Variants in NUP62 observed in about 807,000 individuals in gnomAD.
The protein encoded by NUP62 is nuclear pore glycoprotein p62.
For synonymous variants in NUP62, 305 were observed against 303.4 expected, an observed-to-expected ratio of 1.01 and a Z score of -0.05; for missense variants, 647 against 689.4, an observed-to-expected ratio of 0.94 and a Z score of 0.69.
chr19:49,916,548 C>T (rs927320609), intron 2 of NUP62, among the ~76,000 whole-genome samples: 4 of 151,688 alleles, frequency 2.6e-5, no homozygotes, highest in South Asian at 2.1e-4. Flanking sequence ...CCGAGGCGGG[C>T]GGATCACTAG....
intron 2 of NUP62, among the ~76,000 whole-genome samples, chr19:49,924,412 G>T (rs945557336): frequency 1.1e-4 from 16 of 152,160 alleles, no homozygotes; most frequent in African/African-American, 3.9e-4. Context: ...CTAACCGGGA[G>T]CGGTTGCCAG....
chr19:49,913,769 C>T (rs558530764), intron 2 of NUP62, among the ~76,000 whole-genome samples: 12 of 152,264 alleles, frequency 7.9e-5, no homozygotes, highest in South Asian at 2.1e-4. Context: ...ATCACTGAGC[C>T]GCAGGGTGGT....
intron 2 of NUP62, among the ~76,000 whole-genome samples, chr19:49,920,255 G>A (rs1163802998): frequency 5.9e-5 from 9 of 152,210 alleles, no homozygotes; most frequent in Admixed American, 5.9e-4. Flanking sequence ...GCTAACTTTT[G>A]TATTTTTAGT....
chr19:49,919,779 T>C (rs2075719411), intron 2 of NUP62, among the ~76,000 whole-genome samples: 1 of 144,140 alleles, frequency 6.9e-6, no homozygotes, highest in East Asian at 2.1e-4. Context: ...TTAAGGAAGA[T>C]TCTAGAACCA....
At position 49,923,327 on chromosome 19, in the gene NUP62, T is replaced by C. The variant is rs545177944; in HGVS notation, c.-78+4367A>G. On this transcript the variant is annotated intron_variant, in intron 2 of 2. Coordinates refer to ENST00000352066, the MANE Select transcript of NUP62 (RefSeq NM_016553.5). ...CCCTGGCTCCTCTCAGGGACCTCAG[T>C]ATCACATTCGCTGGCCTCTGTGCTG... Among the ~76,000 whole-genome samples the C allele has an allele frequency of 1.4e-4, 21 of 152,272 alleles. No homozygotes were observed. In the South Asian group the frequency reaches 4.1e-3, roughly 30 times the overall value.
intron 2 of NUP62, among the ~76,000 whole-genome samples, chr19:49,913,749 G>C (rs752204142): frequency 1.3e-5 from 2 of 152,204 alleles, no homozygotes; most frequent in Non-Finnish European, 2.9e-5. Context: ...AGCTCTGTGA[G>C]TCTTAGCTCA....
At chr19:49,929,060 A>C (rs2075990580) in intron 1 of NUP62, 1 of 152,210 alleles carries the variant, frequency 6.6e-6, no homozygotes, top group Non-Finnish European at 1.5e-5. Flanking sequence ...AGTGGGAAGG[A>C]AAGGCTCGGA....
Position 49,909,504 on chromosome 19 carries a change from T to C in NUP62, c.304A>G (p.Thr102Ala). Reference protein sequence around the residue: ...IGASKLNLSNTAATPAMANPS... With the variant: ...IGASKLNLSNAAATPAMANPS... Reference sequence around the variant, plus strand: ...TTTGCCATGGCTGGGGTGGCAGCTGTGTTGCTCAAGTTGAGCTTTGAAGCA... The same window carrying C: ...TTTGCCATGGCTGGGGTGGCAGCTGCGTTGCTCAAGTTGAGCTTTGAAGCA... The change falls in exon 3 of 3, where the codon ACA becomes GCA. Residue 102 changes from threonine to alanine, a missense_variant. Physicochemically the swap from Thr to Ala is moderately conservative, Grantham distance 58. Transcript: ENST00000352066. 1 of 1,614,148 alleles carries C rather than the reference T, an allele frequency of 6.2e-7. No individual in the cohort carries two copies. Among genetic ancestry groups the C allele is most frequent in the Non-Finnish European group, 8.5e-7 (1 of 1,180,018 alleles).
chr19:49,920,631 C>G (rs1022659855), intron 2 of NUP62, among the ~76,000 whole-genome samples: 1 of 152,186 alleles, frequency 6.6e-6, no homozygotes, highest in Non-Finnish European at 1.5e-5. Flanking sequence ...GACTTTACCC[C>G]GAGGGCAACG....
At chr19:49,919,646 C>T (rs1421011868) in intron 2 of NUP62, among the ~76,000 whole-genome samples, 2 of 152,180 alleles carry the variant, frequency 1.3e-5, no homozygotes, top group South Asian at 4.1e-4. Flanking sequence ...CTCCTTCCCA[C>T]TCCCCAGGCC....
Position 49,917,196 on chromosome 19 carries a change from G to A in NUP62, c.-77-7312C>T, listed in dbSNP as rs535025864. On this transcript the variant is annotated intron_variant, in intron 2 of 2. Coordinates refer to ENST00000352066, the MANE Select transcript of NUP62 (RefSeq NM_016553.5). The stretch of plus-strand genomic sequence containing the variant: ...AACAAGGGGAGATCAGAGATGGGCT[G>A]GGCTCAGCCCAGGGAAATTTGATTC... 6.6e-5 allele frequency among the ~76,000 whole-genome samples: 10 copies of A among 152,308 alleles called. No homozygotes were observed. In the East Asian group the frequency reaches 1.9e-3, roughly 29 times the overall value.
At chr19:49,916,354 A>AT (rs1182733064) in intron 2 of NUP62, among the ~76,000 whole-genome samples, 8,329 of 131,952 alleles carry the variant, frequency 0.063, 517 homozygotes, top group African/African-American at 0.16. Context: ...TATCTTTTGT[A>AT]TTTTTTTTTT....
intron 2 of NUP62, among the ~76,000 whole-genome samples, chr19:49,916,592 T>C (rs897014784): frequency 7.2e-5 from 11 of 152,012 alleles, no homozygotes; most frequent in Non-Finnish European, 1.2e-4. Flanking sequence ...AAACCCCGTC[T>C]GCACTAAAAA....
intron 2 of NUP62, among the ~76,000 whole-genome samples, chr19:49,926,854 A>T (rs1217307526): frequency 3.7e-5 from 4 of 109,564 alleles, no homozygotes; most frequent in Non-Finnish European, 5.3e-5. Context: ...AGAAGTAGGT[A>T]CTTTTTTTTT....
chr19:49,908,126 G>C lies in NUP62; in HGVS notation c.*113C>G, dbSNP rs2075364117. Reference sequence around the variant, plus strand: ...GCGATCATGTCAAGGGCAGTCATGTGAAAGAAAGAAACAAACAAACAAGTA... The same window carrying C: ...GCGATCATGTCAAGGGCAGTCATGTCAAAGAAAGAAACAAACAAACAAGTA... On this transcript the variant is annotated 3_prime_UTR_variant, in exon 3 of 3. Coordinates refer to ENST00000352066, the MANE Select transcript of NUP62 (RefSeq NM_016553.5). The C allele has an allele frequency of 6.6e-7, 1 of 1,519,924 alleles. No homozygotes were observed. Among genetic ancestry groups the C allele is most frequent in the Non-Finnish European group, 8.8e-7 (1 of 1,136,938 alleles). 94.2% of individuals were successfully genotyped at this position (1,519,924 alleles called of 1,614,324 possible).
chr19:49,923,421 G>A (rs1369594413), intron 2 of NUP62, among the ~76,000 whole-genome samples: 1 of 152,222 alleles, frequency 6.6e-6, no homozygotes, highest in Non-Finnish European at 1.5e-5. Context: ...TGTGGGGAAC[G>A]TTTCTGGGAA....
intron 2 of NUP62, among the ~76,000 whole-genome samples, chr19:49,926,202 C>CT (rs1445030252): frequency 6.5e-5 from 7 of 107,188 alleles, no homozygotes; most frequent in Middle Eastern, 7.9e-3. Context: ...GAGCGAGACT[C>CT]TGTCTCAAAA....
In NUP62 at chr19:49,908,767, C is replaced by G; in HGVS notation, c.1041G>C (p.Gln347His). The G allele has an allele frequency of 6.2e-7, 1 of 1,613,772 alleles. No individual in the cohort carries two copies. The highest frequency in any genetic ancestry group is 8.5e-7 in the Non-Finnish European group (1 of 1,180,036). ...TGGCCTGCTGGAGGAAGTGCCGCTC[C>G]TGGTCCTCTAGCTCCAGGCTCCATT... ...INKWSLELED[Q>H]ERHFLQQATQ... The change falls in exon 3 of 3, where the codon CAG (glutamine) becomes CAC (histidine). Residue 347 changes from glutamine to histidine, a missense_variant. Transcript: ENST00000352066.
rs2075372522 is a variant in NUP62 at position 49,908,452 on chromosome 19, C to T, written c.1356G>A (p.Lys452=). 1 of 1,614,158 alleles carries T rather than the reference C, an allele frequency of 6.2e-7. No homozygotes were observed. ...AQLKRMAQDL[K]DIIEHLNTSG... ...ACGTGTTCAGGTGCTCGATGATGTCCTTGAGATCCTGGGCCATGCGCTTGA... is the reference window on the plus strand; with the variant it reads ...ACGTGTTCAGGTGCTCGATGATGTCTTTGAGATCCTGGGCCATGCGCTTGA... Residue 452 remains lysine (K), a synonymous_variant, in exon 3 of 3, where the codon AAG becomes AAA. Coordinates refer to ENST00000352066, the MANE Select transcript of NUP62 (RefSeq NM_016553.5).
Sources: allele counts gnomAD v4.1 joint callset (sites outside exome capture counted in the v4.1 genomes callset), GRCh38; gene constraint gnomAD v4.1.1; transcripts MANE v1.5; gene names NCBI Gene and HGNC (gene_info 2026-07-23, HGNC 2026-07-21).